SLC24A2: variants seen among roughly 807,000 people sequenced by gnomAD.
The protein encoded by SLC24A2 is solute carrier family 24 member 2.
A neutral mutation model predicts 62.0 loss-of-function variants in SLC24A2; 36 were observed. The ratio of observed to expected loss-of-function variants is 0.58; its 90% confidence interval spans 0.44 to 0.77. SLC24A2 has a LOEUF of 0.77. Among genes scored for constraint, SLC24A2 ranks in the 30% least tolerant of loss-of-function variants. The probability of loss-of-function intolerance (pLI) is 0.00; values close to 1 mark genes in which losing one functional copy is unlikely to be tolerated. For missense variants in SLC24A2, 846 were observed against 817.9 expected, an observed-to-expected ratio of 1.03 and a Z score of -0.42; for synonymous variants, 358 against 294.0, an observed-to-expected ratio of 1.22 and a Z score of -2.23.
chr9:19,888,880 A>G, the SLC24A2 span, among the ~76,000 whole-genome samples: 2 of 152,210 alleles, frequency 1.3e-5, no homozygotes, highest in Non-Finnish European at 2.9e-5. Flanking sequence ...ACAATCTGGA[A>G]TCCACAAGCA....
At chr9:19,676,891 C>A (rs563575657) in intron 2 of SLC24A2, among the ~76,000 whole-genome samples, 2 of 152,272 alleles carry the variant, frequency 1.3e-5, no homozygotes, top group Non-Finnish European at 2.9e-5. Context: ...TACCATCTCA[C>A]ACCAGTCAGA....
At chr9:20,019,021 C>A in the SLC24A2 span, among the ~76,000 whole-genome samples, 1 of 149,806 alleles carries the variant, frequency 6.7e-6, no homozygotes, top group Non-Finnish European at 1.5e-5. Context: ...TGAGATTATG[C>A]CACAACACTC....
chr9:19,738,389 A>T (rs1821571080), intron 2 of SLC24A2, among the ~76,000 whole-genome samples: 1 of 152,154 alleles, frequency 6.6e-6, no homozygotes, highest in Admixed American at 6.6e-5. Flanking sequence ...CATTTAGGGT[A>T]ACAGATCCCG....
At chr9:19,534,800 A>G (rs1376484481) in intron 8 of SLC24A2, among the ~76,000 whole-genome samples, 1 of 152,162 alleles carries the variant, frequency 6.6e-6, no homozygotes, top group Non-Finnish European at 1.5e-5. Context: ...GCTATTGTGA[A>G]TAGTGCCACA....
At chr9:20,062,150 G>A in the SLC24A2 span, among the ~76,000 whole-genome samples, 2 of 152,120 alleles carry the variant, frequency 1.3e-5, no homozygotes, top group Admixed American at 6.6e-5. Context: ...GATCACTTGA[G>A]CCCAAAAGTC....
chr9:20,198,159 T>C, the SLC24A2 span, among the ~76,000 whole-genome samples: 1 of 152,202 alleles, frequency 6.6e-6, no homozygotes, highest in African/African-American at 2.4e-5. Flanking sequence ...AGCACACAGC[T>C]GCAGATGATG....
At chr9:20,212,334 C>A in the SLC24A2 span, among the ~76,000 whole-genome samples, 2 of 151,662 alleles carry the variant, frequency 1.3e-5, no homozygotes, top group East Asian at 1.9e-4. Flanking sequence ...AATTTAAAAT[C>A]CGAGATGAAA....
At chr9:20,270,022 G>T in the SLC24A2 span, among the ~76,000 whole-genome samples, 6 of 152,168 alleles carry the variant, frequency 3.9e-5, no homozygotes, top group Non-Finnish European at 8.8e-5. Context: ...GAATTTCAAA[G>T]GGGAAGCAGA....
At chr9:20,231,913 A>T in the SLC24A2 span, among the ~76,000 whole-genome samples, 2 of 152,306 alleles carry the variant, frequency 1.3e-5, no homozygotes, top group African/African-American at 4.8e-5. Flanking sequence ...TGTCCCATCA[A>T]TATCTAATTT....
chr9:20,157,432 C>G, the SLC24A2 span, among the ~76,000 whole-genome samples: 2 of 151,628 alleles, frequency 1.3e-5, no homozygotes, highest in South Asian at 4.1e-4. Context: ...TCATGAAAAA[C>G]AGGGGAATTG....
chr9:19,591,937 G>A (rs1391534825), intron 5 of SLC24A2, among the ~76,000 whole-genome samples: 1 of 152,176 alleles, frequency 6.6e-6, no homozygotes, highest in African/African-American at 2.4e-5. Context: ...TCCTATGAAG[G>A]TCACAGATAA....
chr9:19,820,680 CTGTG>C, the SLC24A2 span, among the ~76,000 whole-genome samples: 1 of 149,808 alleles, frequency 6.7e-6, no homozygotes, highest in Non-Finnish European at 1.5e-5. Context: ...ACTAAGGATT[CTGTG>C]TGTGTGTGTG....
Position 19,636,338 on chromosome 9 carries a change from T to TTC in SLC24A2, c.931-14040_931-14039insGA, listed in dbSNP as rs1564009874. The stretch of plus-strand genomic sequence containing the variant: ...TCTTTTCTTTCTTTCTTTCTTTCTT[T>TTC]CTTTCTTTCTTTCTTTCTTTCTTTC... On this transcript the variant is annotated intron_variant, in intron 2 of 10. Coordinates refer to ENST00000341998, the MANE Select transcript of SLC24A2 (RefSeq NM_020344.4). Among the ~76,000 whole-genome samples the TTC allele has an allele frequency of 2.7e-3, 90 of 33,566 alleles. 6 individuals are homozygous for TTC. The highest frequency in any genetic ancestry group is 0.011 in the Middle Eastern group (1 of 88). 22.0% of individuals were successfully genotyped at this position (33,566 alleles called of 152,430 possible). A position where few individuals can be genotyped will look rare whatever the true frequency, so the allele number is the denominator to read the frequency against.
the SLC24A2 span, among the ~76,000 whole-genome samples, chr9:19,848,465 G>T: frequency 6.6e-6 from 1 of 152,126 alleles, no homozygotes; most frequent in African/African-American, 2.4e-5. Context: ...GAGAATAAAT[G>T]ACACATATAG....
intron 4 of SLC24A2, among the ~76,000 whole-genome samples, chr9:19,617,398 G>T (rs1290997000): frequency 1.3e-5 from 2 of 152,096 alleles, no homozygotes; most frequent in Non-Finnish European, 2.9e-5. Flanking sequence ...TAACATGTTT[G>T]AATTGTGCAT....
intron 2 of SLC24A2, among the ~76,000 whole-genome samples, chr9:19,644,027 C>G (rs1818574712): frequency 6.6e-6 from 1 of 152,238 alleles, no homozygotes; most frequent in African/African-American, 2.4e-5. Context: ...GAATAATAAA[C>G]TGCATCTGAC....
chr9:20,075,128 T>C, the SLC24A2 span, among the ~76,000 whole-genome samples: 1 of 152,234 alleles, frequency 6.6e-6, no homozygotes, highest in Admixed American at 6.5e-5. Context: ...TTACTACTTT[T>C]ATTGCTTTTT....
At chr9:19,647,454 G>A (rs1818676196) in intron 2 of SLC24A2, among the ~76,000 whole-genome samples, 1 of 152,184 alleles carries the variant, frequency 6.6e-6, no homozygotes. Flanking sequence ...TGAGAAACAT[G>A]TGGACATCCA....
the SLC24A2 span, among the ~76,000 whole-genome samples, chr9:20,272,532 G>C: frequency 6.6e-6 from 1 of 152,190 alleles, no homozygotes; most frequent in Non-Finnish European, 1.5e-5. Context: ...TTCTCTGAAT[G>C]AGATGATTTT....
Sources: gnomAD v4.1 joint callset for allele counts (sites outside exome capture counted in the v4.1 genomes callset) on GRCh38, gnomAD v4.1.1 for gene constraint, MANE v1.5 for transcripts, NCBI Gene and HGNC (gene_info 2026-07-23, HGNC 2026-07-21) for gene names.